The following KIF6 variants were observed in gnomAD, a reference collection of about 807,000 sequenced individuals.
KIF6 encodes kinesin-like protein KIF6.
In KIF6, 106 loss-of-function variants were observed where a neutral mutation model predicts 112.7. The observed-to-expected ratio is 0.94, with a 90% confidence interval of 0.80 to 1.11. KIF6 has a LOEUF of 1.11. Ranked by LOEUF, KIF6 falls within the 50% of genes least tolerant of loss-of-function variation. KIF6 has a pLI of 0.00. For synonymous variants in KIF6, 339 were observed against 339.9 expected, an observed-to-expected ratio of 1.00 and a Z score of 0.03; for missense variants, 929 against 964.0, an observed-to-expected ratio of 0.96 and a Z score of 0.48.
rs1022890489 is a variant in KIF6 at position 39,509,530 on chromosome 6, G to C, written c.1645+30473C>G. On this transcript the variant is annotated intron_variant, in intron 13 of 22. Transcript: ENST00000287152. ...ACTAGAATAGCCAGTGTAGAGAAGA[G>C]CTTAAATGACCTGATGGAGCTGAAA... 5.9e-5 allele frequency among the ~76,000 whole-genome samples: 9 copies of C among 152,310 alleles called. No homozygotes were observed. The East Asian group carries it at 1.5e-3, about 26-fold the overall frequency.
intron 1 of KIF6, 73 bp from the exon 2 acceptor site, chr6:39,720,884 A>G (rs1790178871): frequency 1.4e-6 from 1 of 704,394 alleles, no homozygotes; most frequent in Admixed American, 2.2e-5. Flanking sequence ...TGTTATTATG[A>G]CTTGTAATGA....
chr6:39,400,866 G>A (rs1013045762), intron 15 of KIF6, among the ~76,000 whole-genome samples: 6 of 152,196 alleles, frequency 3.9e-5, no homozygotes, highest in Non-Finnish European at 8.8e-5. Context: ...ATTTTCTGCT[G>A]GAGACAATAC....
rs558169569 is a variant in KIF6 at position 39,462,228 on chromosome 6, C to T, written c.1646-31067G>A. On this transcript the variant is annotated intron_variant, in intron 13 of 22. Transcript: ENST00000287152. ...GTATTCTTGGAAGGCTTTTTGCTTT[C>T]CTGATAAAGAGACAAACTCAAGAGG... 5.1e-4 allele frequency among the ~76,000 whole-genome samples: 78 copies of T among 152,196 alleles called. No homozygotes were observed. The South Asian group carries it at 0.01, about 20-fold the overall frequency.
intron 10 of KIF6, among the ~76,000 whole-genome samples, chr6:39,567,817 C>T (rs181705966): frequency 6.6e-6 from 1 of 152,212 alleles, no homozygotes; most frequent in African/African-American, 2.4e-5. Flanking sequence ...CTGTGTTAGC[C>T]AGGATGGTCT....
At chr6:39,484,971 T>C (rs984475387) in intron 13 of KIF6, among the ~76,000 whole-genome samples, 2 of 152,232 alleles carry the variant, frequency 1.3e-5, no homozygotes, top group Non-Finnish European at 2.9e-5. Context: ...ATGGGGGTTC[T>C]TTATCAGCCT....
intron 5 of KIF6, among the ~76,000 whole-genome samples, chr6:39,632,417 T>A (rs1396646397): frequency 6.6e-6 from 1 of 152,026 alleles, no homozygotes; most frequent in Admixed American, 6.6e-5. Flanking sequence ...GGGATCAAGG[T>A]CAACAGACAT....
At chr6:39,407,632 T>C (rs1429054235) in intron 15 of KIF6, among the ~76,000 whole-genome samples, 1 of 152,236 alleles carries the variant, frequency 6.6e-6, no homozygotes, top group Non-Finnish European at 1.5e-5. Flanking sequence ...TCAATAAGGA[T>C]TAAATTAATA....
chr6:39,537,425 GACAA>G lies in KIF6; in HGVS notation c.1645+2574_1645+2577del, dbSNP rs1470935200. On this transcript the variant is annotated intron_variant, in intron 13 of 22. Coordinates refer to ENST00000287152, the MANE Select transcript of KIF6 (RefSeq NM_145027.6). ...CAAGCATTCCTATACACCAACAACAGACAAACAGAGAGCCAAATCATGAGTGAAC... is the reference window on the plus strand; with the variant it reads ...CAAGCATTCCTATACACCAACAACAGACAGAGAGCCAAATCATGAGTGAAC... 2.0e-3 allele frequency among the ~76,000 whole-genome samples: 305 copies of G among 152,070 alleles called. 1 individual carries two copies. The highest frequency in any genetic ancestry group is 7.0e-3 in the African/African-American group (289 of 41,462).
intron 3 of KIF6, among the ~76,000 whole-genome samples, chr6:39,652,149 A>G (rs1217026904): frequency 6.6e-6 from 1 of 152,198 alleles, no homozygotes; most frequent in Admixed American, 6.5e-5. Context: ...TCCGTGAGAC[A>G]CATATCCTAC....
chr6:39,468,004 C>T (rs1773896422), intron 13 of KIF6, among the ~76,000 whole-genome samples: 1 of 152,124 alleles, frequency 6.6e-6, no homozygotes, highest in Non-Finnish European at 1.5e-5. Context: ...TAGAGACTAT[C>T]AATAAAGAGA....
chr6:39,583,076 G>C (rs1348419247), intron 9 of KIF6: 4 of 248,416 alleles, frequency 1.6e-5, no homozygotes, highest in Admixed American at 1.3e-4. Context: ...ACATAATAAT[G>C]TTTACCTTTC....
chr6:39,667,954 G>C (rs970629539), intron 3 of KIF6, among the ~76,000 whole-genome samples: 4 of 152,110 alleles, frequency 2.6e-5, no homozygotes, highest in Non-Finnish European at 5.9e-5. Flanking sequence ...CCTTGATGAT[G>C]AGTGAGTTCT....
chr6:39,465,007 G>A (rs1397458855), intron 13 of KIF6, among the ~76,000 whole-genome samples: 1 of 152,338 alleles, frequency 6.6e-6, no homozygotes. Context: ...GCTCTAAGAT[G>A]TATCTGTAAA....
At chr6:39,458,084 A>G (rs1023481682) in intron 13 of KIF6, among the ~76,000 whole-genome samples, 2 of 151,864 alleles carry the variant, frequency 1.3e-5, no homozygotes, top group African/African-American at 4.9e-5. Flanking sequence ...AGAATCTTAG[A>G]CCAATATCCT....
At chr6:39,443,924 G>C (rs951735911) in intron 13 of KIF6, among the ~76,000 whole-genome samples, 2 of 152,148 alleles carry the variant, frequency 1.3e-5, no homozygotes, top group African/African-American at 4.8e-5. Flanking sequence ...AAAAAAGGAA[G>C]GGGAAATTTA....
At chr6:39,337,235 CTTT>C (rs758188254) in intron 22 of KIF6, among the ~76,000 whole-genome samples, 7 of 76,348 alleles carry the variant, frequency 9.2e-5, no homozygotes, top group African/African-American at 4.1e-4. Context: ...TTCTTTCTTT[CTTT>C]TTCTTTCTTT....
chr6:39,664,231 G>A (rs1451211857), intron 3 of KIF6, among the ~76,000 whole-genome samples: 2 of 152,082 alleles, frequency 1.3e-5, no homozygotes, highest in Non-Finnish European at 2.9e-5. Context: ...GGGTAGTAGC[G>A]ATCCCAAAGA....
intron 4 of KIF6, among the ~76,000 whole-genome samples, chr6:39,638,541 C>A (rs1784742567): frequency 6.6e-6 from 1 of 152,086 alleles, no homozygotes. Flanking sequence ...TTCTGGCATG[C>A]AAAGCTGGCA....
chr6:39,723,938 C>T (rs1790379732), intron 1 of KIF6, among the ~76,000 whole-genome samples: 1 of 152,084 alleles, frequency 6.6e-6, no homozygotes, highest in Non-Finnish European at 1.5e-5. Flanking sequence ...AAAATTACAG[C>T]TATGCCACTC....
Sources: gnomAD v4.1 joint callset for allele counts (sites outside exome capture counted in the v4.1 genomes callset) on GRCh38, gnomAD v4.1.1 for gene constraint, MANE v1.5 for transcripts, NCBI Gene and HGNC (gene_info 2026-07-23, HGNC 2026-07-21) for gene names.